ARHGAP5: variants seen among roughly 807,000 people sequenced by gnomAD.
ARHGAP5 encodes Rho GTPase activating protein 5, also known as rho GTPase-activating protein 5.
Under a neutral mutation model 116.6 loss-of-function variants are expected in ARHGAP5, and 23 were observed. The observed-to-expected ratio is 0.20, with a 90% CI of 0.14 to 0.28. The LOEUF is 0.28. Among genes scored for constraint, ARHGAP5 ranks in the 10% least tolerant of loss-of-function variants. ARHGAP5 has a pLI of 1.00. For missense variants in ARHGAP5, 1,405 were observed against 1,774.8 expected (o/e 0.79, Z 3.74); for synonymous variants, 574 against 602.0 (o/e 0.95, Z 0.68).
At chr14:32,085,099 T>C (rs1056375395) in intron 1 of ARHGAP5, among the ~76,000 whole-genome samples, 6 of 152,188 alleles carry the variant, frequency 3.9e-5, no homozygotes, top group African/African-American at 1.4e-4. Context: ...AGAATGACTT[T>C]TTGATTTCTT....
intron 2 of ARHGAP5, among the ~76,000 whole-genome samples, chr14:32,106,398 C>T (rs1594358477): frequency 6.6e-6 from 1 of 152,298 alleles, no homozygotes; most frequent in South Asian, 2.1e-4. Flanking sequence ...GGATTACAGG[C>T]ATGAGCCGCT....
At chr14:32,098,773 T>A (rs1038491065) in intron 2 of ARHGAP5, among the ~76,000 whole-genome samples, 4 of 152,218 alleles carry the variant, frequency 2.6e-5, no homozygotes, top group Non-Finnish European at 5.9e-5. Flanking sequence ...GCCATATAAT[T>A]TGCTGACTCT....
At chr14:32,102,701 A>G (rs1207104441) in intron 2 of ARHGAP5, among the ~76,000 whole-genome samples, 1 of 152,248 alleles carries the variant, frequency 6.6e-6, no homozygotes, top group Non-Finnish European at 1.5e-5. Context: ...GTTGATCTCC[A>G]TGGCCTAGCA....
At position 32,093,124 on chromosome 14, in the gene ARHGAP5, G is replaced by A; in HGVS notation, c.2455G>A (p.Asp819Asn). The change falls in exon 2 of 7, where the codon GAT (aspartate) becomes AAT (asparagine). Residue 819 changes from aspartate to asparagine, a missense_variant. Asp to Asn is a conservative substitution (Grantham distance 23). Around this residue, in one of 6 missense-constraint regions of ARHGAP5, gnomAD observed 944 missense variants for 1,095.3 expected, o/e 0.86. Transcript: ENST00000345122. ...TGGACAGAATAATTCCCTAATGCTT[G>A]ATAAAATCATTGGTGAAAAAAGGAG... Reference protein sequence around the residue: ...QAGQNNSLMLDKIIGEKRRRI... With the variant: ...QAGQNNSLMLNKIIGEKRRRI... 6.2e-7 allele frequency: 1 copy of A among 1,613,836 alleles called. No homozygotes were observed. The highest frequency in any genetic ancestry group is 1.7e-5 in the Admixed American group (1 of 59,998).
At chr14:32,139,668 G>A (rs1880991723) in intron 3 of ARHGAP5, among the ~76,000 whole-genome samples, 2 of 151,460 alleles carry the variant, frequency 1.3e-5, no homozygotes, top group Admixed American at 1.3e-4. Flanking sequence ...GGTTTTGTTT[G>A]ATTCTCCCTA....
chr14:32,153,565 T>C (rs918692248), intron 6 of ARHGAP5, among the ~76,000 whole-genome samples: 1 of 141,852 alleles, frequency 7.0e-6, no homozygotes, highest in Non-Finnish European at 1.5e-5. Flanking sequence ...CTCCGCCTCC[T>C]GGGTTCAAGC....
intron 2 of ARHGAP5, among the ~76,000 whole-genome samples, chr14:32,101,630 C>A (rs1301316450): frequency 2.6e-4 from 38 of 146,562 alleles, no homozygotes; most frequent in Non-Finnish European, 6.0e-5. Flanking sequence ...GATTTAGGTT[C>A]TTGAAAGAAT....
At chr14:32,107,851 G>A (rs1879087129) in intron 2 of ARHGAP5, among the ~76,000 whole-genome samples, 1 of 152,182 alleles carries the variant, frequency 6.6e-6, no homozygotes, top group South Asian at 2.1e-4. Flanking sequence ...GATGTATAAA[G>A]GATTTAAAGT....
In ARHGAP5 at chr14:32,093,589, C is replaced by G; in HGVS notation, c.2920C>G (p.Pro974Ala). 4 of 1,613,972 alleles carry G rather than the reference C, an allele frequency of 2.5e-6. No homozygotes were observed. The highest frequency in any genetic ancestry group is 3.4e-6 in the Non-Finnish European group (4 of 1,179,948). ...TCTACCATCTCCCAGAGACTGTTTT[C>G]CCTATAATAACTACCCTGATTCAGA... The part of the protein sequence containing the change: ...VFLPSPRDCF[P>A]YNNYPDSDDD... Residue 974 changes from proline to alanine, a missense_variant, in exon 2 of 7, where the codon CCC becomes GCC. Pro to Ala is a conservative substitution (Grantham distance 27, BLOSUM62 -1). This residue lies in a region of ARHGAP5 where 944 missense variants were observed against 1,095.3 expected (regional missense o/e 0.86). Coordinates refer to ENST00000345122, the MANE Select transcript of ARHGAP5 (RefSeq NM_001030055.2).
chr14:32,148,050 G>A (rs908312595), intron 4 of ARHGAP5, among the ~76,000 whole-genome samples: 1 of 152,182 alleles, frequency 6.6e-6, no homozygotes, highest in African/African-American at 2.4e-5. Flanking sequence ...CTACTTGGGA[G>A]GCTGAGGCGA....
chr14:32,119,300 C>G (rs566632525), intron 3 of ARHGAP5, among the ~76,000 whole-genome samples: 50 of 152,156 alleles, frequency 3.3e-4, no homozygotes, highest in African/African-American at 1.2e-3. Context: ...AAATATATTG[C>G]AGATACTCAT....
In ARHGAP5 at chr14:32,090,579, A is replaced by T. The variant is rs1432225557; in HGVS notation, c.-91A>T. 16 of 1,193,746 alleles carry T rather than the reference A, an allele frequency of 1.3e-5. No individual in the cohort carries two copies. Among genetic ancestry groups the T allele is most frequent in the Admixed American group, 9.6e-5 (4 of 41,656 alleles). The allele number at this position is 1,193,746 out of a possible 1,614,324, so 73.9% of individuals were successfully genotyped here. ...ACAAAGAACCAAATACAGTTCTGAA[A>T]TTTGGGATCTGTATTTTGAGATGAT... On this transcript the variant is annotated 5_prime_UTR_variant, in exon 2 of 7. Coordinates refer to ENST00000345122, the MANE Select transcript of ARHGAP5 (RefSeq NM_001030055.2).
chr14:32,120,562 A>G (rs1183452443), intron 3 of ARHGAP5, among the ~76,000 whole-genome samples: 1 of 149,758 alleles, frequency 6.7e-6, no homozygotes, highest in Non-Finnish European at 1.5e-5. Flanking sequence ...CCATATAGAT[A>G]TGCTGTGTTC....
intron 2 of ARHGAP5, among the ~76,000 whole-genome samples, chr14:32,107,132 A>T (rs938626688): frequency 2.0e-5 from 3 of 152,278 alleles, no homozygotes; most frequent in Admixed American, 1.3e-4. Flanking sequence ...AATTCCACTG[A>T]TTTTTAATAT....
In ARHGAP5 at chr14:32,092,905, A is replaced by G. The variant is rs755228783; in HGVS notation, c.2236A>G (p.Ile746Val). 6.2e-7 allele frequency: 1 copy of G among 1,614,028 alleles called. No individual in the cohort carries two copies. Among genetic ancestry groups the G allele is most frequent in the Non-Finnish European group, 8.5e-7 (1 of 1,179,918 alleles). ...TCCTCGTAAATTTAATGAAACCCAAATAAAGCAAGCTCTCAGAGGAGTATT... is the reference window on the plus strand; with the variant it reads ...TCCTCGTAAATTTAATGAAACCCAAGTAAAGCAAGCTCTCAGAGGAGTATT... ...TYPRKFNETQ[I>V]KQALRGVLES... is the part of the protein sequence containing the mutation. Residue 746 changes from isoleucine (I) to valine (V), a missense_variant, in exon 2 of 7, where the codon ATA (isoleucine) becomes GTA (valine). Physicochemically the swap from Ile to Val is conservative, Grantham distance 29. Coordinates refer to ENST00000345122, the MANE Select transcript of ARHGAP5 (RefSeq NM_001030055.2). This position sits in a 1 kb window ranked among gnomAD's most constrained non-coding sequence, Gnocchi z 4.1.
chr14:32,135,319 A>C (rs1053064246), intron 3 of ARHGAP5, among the ~76,000 whole-genome samples: 7 of 152,252 alleles, frequency 4.6e-5, no homozygotes, highest in Admixed American at 2.0e-4. Flanking sequence ...AAAGCAACTC[A>C]TCTATTGGGC....
At chr14:32,140,097 C>CTTTTTTTTTTTTTTTTTTTTTTTTTTTTT (rs1182430088) in intron 3 of ARHGAP5, among the ~76,000 whole-genome samples, 2 of 25,386 alleles carry the variant, frequency 7.9e-5, no homozygotes, top group African/African-American at 1.6e-4. Flanking sequence ...GTTATTTGTT[C>CTTTTTTTTTTTTTTTTTTTTTTTTTTTTT]TTTTTTTTTT....
intron 3 of ARHGAP5, among the ~76,000 whole-genome samples, chr14:32,129,415 A>G (rs573121123): frequency 6.6e-6 from 1 of 152,346 alleles, no homozygotes; most frequent in East Asian, 1.9e-4. Flanking sequence ...ATTATAAAGA[A>G]ATAGAGACTA....
At chr14:32,141,057 A>G (rs557564183) in intron 3 of ARHGAP5, among the ~76,000 whole-genome samples, 1 of 152,156 alleles carries the variant, frequency 6.6e-6, no homozygotes, top group Non-Finnish European at 1.5e-5. Flanking sequence ...CTGATGTATA[A>G]TGTCCTTCTA....
Sources: allele counts gnomAD v4.1 joint callset (sites outside exome capture counted in the v4.1 genomes callset), GRCh38; gene constraint gnomAD v4.1.1; regional missense constraint gnomAD v4.1.1; non-coding constraint Gnocchi (gnomAD v3.1); transcripts MANE v1.5; gene names NCBI Gene and HGNC (gene_info 2026-07-23, HGNC 2026-07-21).